XPR1: variants seen among roughly 807,000 people sequenced by gnomAD.
The protein encoded by XPR1 is solute carrier family 53 member 1.
In XPR1, 28 loss-of-function variants were observed where a neutral mutation model predicts 87.5. The ratio of observed to expected loss-of-function variants is 0.32; its 90% CI spans 0.24 to 0.44. The LOEUF is 0.44. Among genes scored for constraint, XPR1 ranks in the 20% least tolerant of loss-of-function variants. XPR1 has a pLI of 1.00. For missense variants in XPR1, 559 were observed against 862.3 expected (o/e 0.65, Z 4.41); for synonymous variants, 300 against 306.1 (o/e 0.98, Z 0.21).
intron 14 of XPR1, among the ~76,000 whole-genome samples, chr1:180,882,408 A>G (rs1284784019): frequency 1.3e-5 from 2 of 152,140 alleles, no homozygotes; most frequent in African/African-American, 4.8e-5. Flanking sequence ...GGTTGGCTCA[A>G]TGCAGCAGCA....
intron 2 of XPR1, among the ~76,000 whole-genome samples, chr1:180,729,725 CT>C (rs2102008895): frequency 6.6e-6 from 1 of 152,242 alleles, no homozygotes; most frequent in South Asian, 2.1e-4. Context: ...TGTTCATGTC[CT>C]TTGCCCACTT....
chr1:180,684,498 A>G (rs1213881292), intron 2 of XPR1, among the ~76,000 whole-genome samples: 2 of 151,264 alleles, frequency 1.3e-5, no homozygotes, highest in Non-Finnish European at 3.0e-5. Context: ...TATGAACTTT[A>G]AAGTAGTTTT....
intron 1 of XPR1, among the ~76,000 whole-genome samples, chr1:180,659,796 C>T (rs187942403): frequency 0.034 from 5,167 of 151,058 alleles, 129 homozygotes; most frequent in African/African-American, 0.07. Flanking sequence ...GGATTACAGG[C>T]GTGAGCCACC....
At chr1:180,696,206 GTGTATATA>G (rs1458092635) in intron 2 of XPR1, among the ~76,000 whole-genome samples, 55 of 102,058 alleles carry the variant, frequency 5.4e-4, no homozygotes, top group Admixed American at 1.3e-3. Context: ...GTGTGTGTGT[GTGTATATA>G]TATATATATA....
intron 2 of XPR1, among the ~76,000 whole-genome samples, chr1:180,695,912 G>A (rs915679363): frequency 2.6e-5 from 4 of 151,732 alleles, no homozygotes; most frequent in Admixed American, 1.3e-4. Context: ...TTGGTTATTC[G>A]GAGTCTTTTG....
rs1652800442 is a variant in XPR1, at chr1:180,880,115, T to C, written c.1848T>C (p.His616=). ...VWNFFRLENE[H]LNNCGEFRAV... ...ACTTCTTCCGCCTGGAGAATGAACATCTGAATAACTGTGGTGAATTCCGTG... is the reference window on the plus strand; with the variant it reads ...ACTTCTTCCGCCTGGAGAATGAACACCTGAATAACTGTGGTGAATTCCGTG... The change falls in exon 14 of 15, where the codon CAT becomes CAC. Residue 616 remains histidine (H), a synonymous_variant. Transcript: ENST00000367590. 3 of 1,614,174 alleles carry C rather than the reference T, an allele frequency of 1.9e-6. No homozygotes were observed. The highest frequency in any genetic ancestry group is 1.1e-5 in the South Asian group (1 of 91,086).
In XPR1 at chr1:180,673,343, A is replaced by G. The variant is rs1031164438; in HGVS notation, c.70-9017A>G. Among the ~76,000 whole-genome samples, 5 of 152,352 alleles carry G rather than the reference A, an allele frequency of 3.3e-5. No individual in the cohort carries two copies. The East Asian group carries it at 5.8e-4, about 18-fold the overall frequency. On this transcript the variant is annotated intron_variant, in intron 1 of 14. Transcript: ENST00000367590. ...TTTTAGATTGAATAATATAATTAGGATACATTATTATTAAAATCATAAACT... is the reference window on the plus strand; with the variant it reads ...TTTTAGATTGAATAATATAATTAGGGTACATTATTATTAAAATCATAAACT...
Position 180,755,161 on chromosome 1 carries a change from C to A in XPR1, c.122-32592C>A, listed in dbSNP as rs142375815. Among the ~76,000 whole-genome samples the A allele has an allele frequency of 2.6e-5, 4 of 152,146 alleles. No homozygotes were observed. The South Asian group carries it at 8.3e-4, about 32-fold the overall frequency. ...ATATATTGATAGATGTAGCATGTGT[C>A]GATGTATACACATATGCTTAGCTCT... On this transcript the variant is annotated intron_variant, in intron 2 of 14. Transcript: ENST00000367590.
rs1557953500 is a variant in XPR1, at chr1:180,680,356, C to CTTTTTT, written c.70-2004_70-2003insTTTTTT. On this transcript the variant is annotated intron_variant, in intron 1 of 14. Transcript: ENST00000367590. ...ATTCCTCAAATAACTACAAATAGAA[C>CTTTTTT]CTTTTTTTTTTTTTTTTTTTTTTTT... is the stretch of plus-strand genomic sequence containing the variant. Among the ~76,000 whole-genome samples, 30 of 119,718 alleles carry CTTTTTT rather than the reference C, an allele frequency of 2.5e-4. 1 individual carries two copies. Among genetic ancestry groups the CTTTTTT allele is most frequent in the African/African-American group, 8.9e-4 (28 of 31,486 alleles). 78.5% of individuals were successfully genotyped at this position (119,718 alleles called of 152,430 possible).
chr1:180,722,031 G>A (rs1192787848), intron 2 of XPR1, among the ~76,000 whole-genome samples: 1 of 152,090 alleles, frequency 6.6e-6, no homozygotes, highest in Non-Finnish European at 1.5e-5. Flanking sequence ...GAGAGGCTGA[G>A]GTTGGCGAAT....
chr1:180,798,130 T>TA (rs1414126617), intron 3 of XPR1, among the ~76,000 whole-genome samples: 3 of 151,918 alleles, frequency 2.0e-5, no homozygotes, highest in Non-Finnish European at 2.9e-5. Flanking sequence ...AAGTGATACA[T>TA]AAAAAATACA....
Position 180,819,838 on chromosome 1 carries a change from C to T in XPR1, c.764-4915C>T, listed in dbSNP as rs557724198. Among the ~76,000 whole-genome samples, 9 of 152,020 alleles carry T rather than the reference C, an allele frequency of 5.9e-5. No individual in the cohort carries two copies. The South Asian group carries it at 1.9e-3, about 32-fold the overall frequency. ...TTCGAGACCAGCCTAGGCAACATGGCAAAACCCCGTCTCTACTAAAATTAC... is the reference window on the plus strand; with the variant it reads ...TTCGAGACCAGCCTAGGCAACATGGTAAAACCCCGTCTCTACTAAAATTAC... On this transcript the variant is annotated intron_variant, in intron 7 of 14. Coordinates refer to ENST00000367590, the MANE Select transcript of XPR1 (RefSeq NM_004736.4).
At chr1:180,694,113 G>T (rs907985124) in intron 2 of XPR1, among the ~76,000 whole-genome samples, 1 of 152,010 alleles carries the variant, frequency 6.6e-6, no homozygotes, top group Non-Finnish European at 1.5e-5. Flanking sequence ...GCATGCCAGT[G>T]TGCCTGGATA....
At chr1:180,807,646 A>G (rs906218853) in intron 6 of XPR1, among the ~76,000 whole-genome samples, 1 of 152,190 alleles carries the variant, frequency 6.6e-6, no homozygotes, top group Non-Finnish European at 1.5e-5. Context: ...TGATTTATAG[A>G]TATAATACGT....
At chr1:180,836,392 T>A in intron 10 of XPR1, 130 bp from the exon 11 acceptor site, 1 of 938,014 alleles carries the variant, frequency 1.1e-6, no homozygotes, top group Admixed American at 2.7e-5. Flanking sequence ...ATATAATAGT[T>A]GCAAAGAAGA....
At chr1:180,776,431 A>G (rs1263559434) in intron 2 of XPR1, among the ~76,000 whole-genome samples, 1 of 152,012 alleles carries the variant, frequency 6.6e-6, no homozygotes, top group African/African-American at 2.4e-5. Context: ...GTATAATTAT[A>G]CAATTGGATT....
intron 2 of XPR1, among the ~76,000 whole-genome samples, chr1:180,782,052 T>C (rs1187717891): frequency 6.6e-6 from 1 of 152,048 alleles, no homozygotes; most frequent in East Asian, 1.9e-4. Context: ...TGTGTCTCTA[T>C]TTTAGTATAA....
At chr1:180,712,123 T>C (rs1341604167) in intron 2 of XPR1, among the ~76,000 whole-genome samples, 3 of 152,212 alleles carry the variant, frequency 2.0e-5, no homozygotes, top group Non-Finnish European at 4.4e-5. Flanking sequence ...GTTTAATTTC[T>C]AAATTAGGCA....
intron 1 of XPR1, 150 bp from the exon 2 acceptor site, chr1:180,682,209 AT>A (rs1357167177): frequency 4.3e-6 from 2 of 461,300 alleles, no homozygotes; most frequent in Non-Finnish European, 7.5e-6. Flanking sequence ...TAATGTTTGG[AT>A]TTTAGTTTAT....
Sources: allele counts gnomAD v4.1 joint callset (sites outside exome capture counted in the v4.1 genomes callset), GRCh38; gene constraint gnomAD v4.1.1; transcripts MANE v1.5; gene names NCBI Gene and HGNC (gene_info 2026-07-23, HGNC 2026-07-21).